The following OPCML variants were observed in gnomAD, a reference collection of about 807,000 sequenced individuals.
The protein encoded by OPCML is opioid binding protein/cell adhesion molecule like, also known as opioid-binding protein/cell adhesion molecule.
In OPCML, 13 loss-of-function variants were observed where a neutral mutation model predicts 37.8. The ratio of observed to expected loss-of-function variants is 0.34; its 90% confidence interval spans 0.22 to 0.55. The LOEUF (loss-of-function observed/expected upper bound fraction) is 0.55, where lower values mean the gene tolerates loss of function less well. Among genes scored for constraint, OPCML ranks in the 20% least tolerant of loss-of-function variants. OPCML has a pLI of 0.91. For missense variants in OPCML, 341 were observed against 435.6 expected, an observed-to-expected ratio of 0.78 and a Z score of 1.93; for synonymous variants, 176 against 168.8, an observed-to-expected ratio of 1.04 and a Z score of -0.33.
intron 2 of OPCML, among the ~76,000 whole-genome samples, chr11:132,820,398 G>A (rs1332330431): frequency 3.3e-5 from 5 of 152,104 alleles, no homozygotes; most frequent in Non-Finnish European, 4.4e-5. Context: ...AGTGATAGGC[G>A]TATTACAAAC....
At chr11:132,814,947 A>G (rs1389369148) in intron 2 of OPCML, among the ~76,000 whole-genome samples, 1 of 152,160 alleles carries the variant, frequency 6.6e-6, no homozygotes, top group Non-Finnish European at 1.5e-5. Context: ...TCAGTGGAAT[A>G]TGACTCCTTT....
At chr11:132,869,492 A>C (rs977482313) in intron 2 of OPCML, among the ~76,000 whole-genome samples, 1 of 151,974 alleles carries the variant, frequency 6.6e-6, no homozygotes, top group Non-Finnish European at 1.5e-5. Context: ...AATACTTACA[A>C]CCTGGGAGGA....
chr11:132,688,339 T>C (rs979181068), intron 2 of OPCML, among the ~76,000 whole-genome samples: 1 of 152,084 alleles, frequency 6.6e-6, no homozygotes, highest in South Asian at 2.1e-4. Flanking sequence ...ATGACAAACA[T>C]GAGGAGAAAC....
At chr11:133,314,159 C>G (rs1460249296) in intron 1 of OPCML, among the ~76,000 whole-genome samples, 1 of 140,352 alleles carries the variant, frequency 7.1e-6, no homozygotes, top group African/African-American at 2.7e-5. Context: ...GGCGTGAACC[C>G]AGGAGTCGGA....
intron 1 of OPCML, among the ~76,000 whole-genome samples, chr11:133,280,558 A>G (rs541187581): frequency 2.6e-4 from 39 of 152,308 alleles, no homozygotes; most frequent in African/African-American, 8.9e-4. Flanking sequence ...ATATCTCCAG[A>G]GCAACACCTA....
At chr11:133,207,878 T>C (rs1480418884) in intron 1 of OPCML, among the ~76,000 whole-genome samples, 1 of 152,226 alleles carries the variant, frequency 6.6e-6, no homozygotes, top group African/African-American at 2.4e-5. Flanking sequence ...CACACTCTAC[T>C]GTGGACTTTT....
chr11:132,491,727 T>C (rs2096216368), intron 4 of OPCML, among the ~76,000 whole-genome samples: 2 of 152,226 alleles, frequency 1.3e-5, no homozygotes, highest in Admixed American at 1.3e-4. Context: ...TCTACACCAA[T>C]GGCCAAGATA....
In OPCML at chr11:132,600,402, G is replaced by C. The variant is rs548949957; in HGVS notation, c.379+56685C>G. On this transcript the variant is annotated intron_variant, in intron 3 of 7. Transcript: ENST00000524381. ...CTAAATACGAAGGGACCAAAGGCCA[G>C]CATGGGTCTTCCCAGCCTCTCCATG... Among the ~76,000 whole-genome samples, 3 of 152,328 alleles carry C rather than the reference G, an allele frequency of 2.0e-5. No individual in the cohort carries two copies. In the South Asian group the frequency reaches 6.2e-4, roughly 32 times the overall value.
chr11:132,727,895 C>A (rs1182341327), intron 2 of OPCML, among the ~76,000 whole-genome samples: 1 of 152,330 alleles, frequency 6.6e-6, no homozygotes. Flanking sequence ...AGATCCTGAG[C>A]CAGCCCTTGG....
Position 133,377,968 on chromosome 11 carries a change from C to T in OPCML, c.61+154296G>A, listed in dbSNP as rs1418922981. ...AGGGTGAGTTAGTTTTTCTGCTGGA[C>T]AGCACTAGCTGTTACAAAGTTTAAT... On this transcript the variant is annotated intron_variant, in intron 1 of 7. Coordinates refer to ENST00000524381, the MANE Select transcript of OPCML (RefSeq NM_001012393.5). Among the ~76,000 whole-genome samples the T allele has an allele frequency of 2.6e-5, 4 of 152,226 alleles. No homozygotes were observed. In the East Asian group the frequency reaches 7.7e-4, roughly 29 times the overall value.
chr11:133,042,232 C>T (rs191162237), intron 1 of OPCML, among the ~76,000 whole-genome samples: 20 of 152,354 alleles, frequency 1.3e-4, no homozygotes, highest in Admixed American at 5.9e-4. Flanking sequence ...AGCCCTTACC[C>T]TCCACACTCA....
At chr11:133,288,634 T>G (rs1224306447) in intron 1 of OPCML, among the ~76,000 whole-genome samples, 1 of 152,192 alleles carries the variant, frequency 6.6e-6, no homozygotes, top group South Asian at 2.1e-4. Context: ...TAAAAACATA[T>G]GGACACCCAG....
intron 1 of OPCML, among the ~76,000 whole-genome samples, chr11:133,351,418 TAAC>T (rs1332671207): frequency 1.3e-5 from 2 of 152,272 alleles, no homozygotes; most frequent in Admixed American, 6.5e-5. Flanking sequence ...CTCTTCTCAG[TAAC>T]AACAACAAGA....
chr11:133,117,854 T>C (rs1056412770), intron 1 of OPCML: 16 of 983,456 alleles, frequency 1.6e-5, no homozygotes, highest in Non-Finnish European at 1.9e-5. Context: ...TAACTGATTC[T>C]AAAAGTATCA....
intron 3 of OPCML, among the ~76,000 whole-genome samples, chr11:132,615,943 A>C (rs977572413): frequency 2.0e-5 from 3 of 152,238 alleles, no homozygotes; most frequent in Admixed American, 6.5e-5. Context: ...GAGATGCATA[A>C]AAGTAAAGTG....
chr11:133,483,514 TTAGATACA>T (rs1050474424), intron 1 of OPCML, among the ~76,000 whole-genome samples: 25 of 151,612 alleles, frequency 1.6e-4, no homozygotes, highest in Non-Finnish European at 2.4e-4. Flanking sequence ...GATAAACAGA[TTAGATACA>T]TAGATACATA....
intron 1 of OPCML, among the ~76,000 whole-genome samples, chr11:133,215,968 G>T (rs972469858): frequency 9.2e-5 from 14 of 152,184 alleles, no homozygotes; most frequent in African/African-American, 3.4e-4. Context: ...TCAGGGCCTT[G>T]TAACTGATGA....
chr11:132,458,511 T>G (rs1402438937), intron 4 of OPCML, among the ~76,000 whole-genome samples: 1 of 152,228 alleles, frequency 6.6e-6, no homozygotes, highest in African/African-American at 2.4e-5. Flanking sequence ...GAACAGCAAT[T>G]GTCAAACTTT....
chr11:132,474,319 CT>C (rs2096147680), intron 4 of OPCML, among the ~76,000 whole-genome samples: 1 of 152,060 alleles, frequency 6.6e-6, no homozygotes, highest in African/African-American at 2.4e-5. Flanking sequence ...GAACAGAATG[CT>C]TTCTGGAATC....
Sources: gnomAD v4.1 joint callset for allele counts (sites outside exome capture counted in the v4.1 genomes callset) on GRCh38, gnomAD v4.1.1 for gene constraint, MANE v1.5 for transcripts, NCBI Gene and HGNC (gene_info 2026-07-23, HGNC 2026-07-21) for gene names.